Variants in CNTN5 observed in about 807,000 individuals in gnomAD.
The protein encoded by CNTN5 is contactin-5.
In CNTN5, 77 loss-of-function variants were observed where a neutral mutation model predicts 129.1. The ratio of observed to expected loss-of-function variants is 0.60; its 90% CI spans 0.50 to 0.72. The LOEUF (loss-of-function observed/expected upper bound fraction) is 0.72. Among genes scored for constraint, CNTN5 ranks in the 30% least tolerant of loss-of-function variants. The pLI is 0.00. For synonymous variants in CNTN5, 509 were observed against 465.6 expected (o/e 1.09, Z -1.20); for missense variants, 1,478 against 1,328.8 (o/e 1.11, Z -1.75).
chr11:99,680,300 A>G (rs1036086498), intron 3 of CNTN5, among the ~76,000 whole-genome samples: 1 of 152,158 alleles, frequency 6.6e-6, no homozygotes, highest in African/African-American at 2.4e-5. Context: ...GCCTGGCTTC[A>G]AAGCTTCAAG....
intron 18 of CNTN5, among the ~76,000 whole-genome samples, chr11:100,276,102 G>A (rs1487848635): frequency 6.6e-6 from 1 of 152,102 alleles, no homozygotes; most frequent in Non-Finnish European, 1.5e-5. Context: ...CCTCTTTAAG[G>A]TTCACTTATT....
At chr11:99,317,585 G>A (rs1050664571) in intron 1 of CNTN5, among the ~76,000 whole-genome samples, 4 of 152,040 alleles carry the variant, frequency 2.6e-5, no homozygotes, top group Admixed American at 6.6e-5. Context: ...GCACATAAGC[G>A]TATCCCTAAC....
At chr11:99,409,520 C>T (rs1341276615) in intron 2 of CNTN5, among the ~76,000 whole-genome samples, 1 of 152,144 alleles carries the variant, frequency 6.6e-6, no homozygotes, top group African/African-American at 2.4e-5. Flanking sequence ...TGTTTTTATT[C>T]TGATACAAAA....
chr11:99,041,507 T>C (rs894672462), intron 1 of CNTN5, among the ~76,000 whole-genome samples: 3 of 152,206 alleles, frequency 2.0e-5, no homozygotes, highest in Non-Finnish European at 4.4e-5. Context: ...CTTTTTATCC[T>C]CATCACCTAG....
rs182096213 is a variant in CNTN5, at chr11:99,578,074, C to T, written c.55+21805C>T. On this transcript the variant is annotated intron_variant, in intron 3 of 24. Coordinates refer to ENST00000524871, the MANE Select transcript of CNTN5 (RefSeq NM_014361.4). ...ATTCCCATCTATGAGTGAGAACATG[C>T]GGTGTTTGGTTTTTTCTCCGTGCGA... Among the ~76,000 whole-genome samples the T allele has an allele frequency of 6.0e-4, 89 of 148,164 alleles. 3 individuals carry two copies. In the East Asian group the frequency reaches 0.013, roughly 22 times the overall value.
intron 8 of CNTN5, among the ~76,000 whole-genome samples, chr11:99,961,163 C>T (rs1395998645): frequency 7.0e-6 from 1 of 142,238 alleles, no homozygotes; most frequent in Non-Finnish European, 1.5e-5. Flanking sequence ...CAAGATCACG[C>T]CACTGCACTC....
chr11:99,819,827 A>G (rs1946740511), intron 4 of CNTN5, 62 bp downstream of exon 4: 12 of 518,622 alleles, frequency 2.3e-5, no homozygotes, highest in Non-Finnish European at 3.1e-5. Context: ...CTTATTTAAT[A>G]CTGTTGCAAC....
chr11:99,028,737 G>GA (rs1779186395), intron 1 of CNTN5, among the ~76,000 whole-genome samples: 2 of 151,684 alleles, frequency 1.3e-5, no homozygotes, highest in Admixed American at 6.6e-5. Flanking sequence ...AGATGCTGTG[G>GA]AAAAAAATGC....
chr11:99,826,702 G>T (rs1145406), intron 4 of CNTN5, among the ~76,000 whole-genome samples: 1 of 152,062 alleles, frequency 6.6e-6, no homozygotes, highest in Admixed American at 6.6e-5. Context: ...ATATATTATA[G>T]TTGTAGCAAA....
intron 8 of CNTN5, among the ~76,000 whole-genome samples, chr11:99,964,489 T>C (rs1951039898): frequency 6.6e-6 from 1 of 152,230 alleles, no homozygotes; most frequent in Admixed American, 6.5e-5. Context: ...GAACCAGCCT[T>C]GCATCCCAGG....
intron 3 of CNTN5, among the ~76,000 whole-genome samples, chr11:99,689,254 G>A (rs1017818073): frequency 5.3e-5 from 8 of 152,066 alleles, no homozygotes; most frequent in East Asian, 3.9e-4. Context: ...AGGGCCGGGC[G>A]TGGTGGCTCA....
At chr11:99,029,085 T>C (rs1036631105) in intron 1 of CNTN5, among the ~76,000 whole-genome samples, 2 of 151,788 alleles carry the variant, frequency 1.3e-5, no homozygotes, top group Non-Finnish European at 2.9e-5. Context: ...TGTCATAATA[T>C]TATATACAAG....
chr11:99,786,175 A>C (rs576647492), intron 3 of CNTN5, among the ~76,000 whole-genome samples: 1 of 152,154 alleles, frequency 6.6e-6, no homozygotes, highest in Admixed American at 6.5e-5. Context: ...TACAAAATCA[A>C]TGTGCAAAAA....
chr11:100,037,335 A>T (rs1942079902), intron 9 of CNTN5, among the ~76,000 whole-genome samples: 1 of 151,858 alleles, frequency 6.6e-6, no homozygotes, highest in Admixed American at 6.6e-5. Flanking sequence ...ATCTTGGTGG[A>T]TAAGCTTTTT....
intron 13 of CNTN5, among the ~76,000 whole-genome samples, chr11:100,125,439 G>A (rs898331110): frequency 4.6e-5 from 7 of 151,916 alleles, no homozygotes; most frequent in East Asian, 1.9e-4. Flanking sequence ...CTGGTACTTC[G>A]TTAATTCACT....
intron 2 of CNTN5, among the ~76,000 whole-genome samples, chr11:99,393,644 A>G (rs1396725976): frequency 1.3e-5 from 2 of 151,720 alleles, no homozygotes; most frequent in East Asian, 3.9e-4. Context: ...GTCACTTACC[A>G]TTCATTTGTT....
At chr11:100,213,452 A>AT (rs1360251014) in intron 15 of CNTN5, among the ~76,000 whole-genome samples, 1 of 152,126 alleles carries the variant, frequency 6.6e-6, no homozygotes, top group Admixed American at 6.6e-5. Context: ...GGTCTCGATG[A>AT]TTTTTCAGTA....
chr11:99,373,469 T>C (rs1021242881), intron 2 of CNTN5, among the ~76,000 whole-genome samples: 1 of 151,672 alleles, frequency 6.6e-6, no homozygotes, highest in Non-Finnish European at 1.5e-5. Context: ...ATCCCAGCAC[T>C]TTGGGAGGCC....
chr11:99,252,428 A>T (rs955457892), intron 1 of CNTN5, among the ~76,000 whole-genome samples: 2 of 151,882 alleles, frequency 1.3e-5, no homozygotes, highest in Admixed American at 6.6e-5. Flanking sequence ...TTGAATAATC[A>T]TATTTCATCA....
Sources: allele counts gnomAD v4.1 joint callset (sites outside exome capture counted in the v4.1 genomes callset), GRCh38; gene constraint gnomAD v4.1.1; transcripts MANE v1.5; gene names NCBI Gene and HGNC (gene_info 2026-07-23, HGNC 2026-07-21).